Variants in RAB15 observed in about 807,000 individuals in gnomAD.
The protein encoded by RAB15 is ras-related protein Rab-15.
In RAB15, 13 loss-of-function variants were observed where a neutral mutation model predicts 31.8. That is an observed-to-expected ratio of 0.41 (90% CI 0.27 to 0.65). The LOEUF (loss-of-function observed/expected upper bound fraction) is 0.65. Ranked by LOEUF, RAB15 falls within the 30% of genes least tolerant of loss-of-function variation. RAB15 has a pLI of 0.32. For synonymous variants in RAB15, 100 were observed against 105.6 expected (o/e 0.95, Z 0.33); for missense variants, 220 against 277.3 (o/e 0.79, Z 1.47).
intron 1 of RAB15, among the ~76,000 whole-genome samples, chr14:64,957,778 C>T (rs1397507787): frequency 6.6e-6 from 1 of 152,144 alleles, no homozygotes; most frequent in Non-Finnish European, 1.5e-5. Context: ...ATGCTTCACT[C>T]GGCCAGAGGC....
At chr14:64,965,257 A>G (rs1887071759) in intron 1 of RAB15, among the ~76,000 whole-genome samples, 1 of 152,042 alleles carries the variant, frequency 6.6e-6, no homozygotes, top group African/African-American at 2.4e-5. Flanking sequence ...CAGAAGTTCG[A>G]GACCAGCCTG....
At position 64,953,197 on chromosome 14, in the gene RAB15, G is replaced by A. The variant is rs180724473; in HGVS notation, c.125-626C>T. ...ACTGTGGTTGACTAGAAGGAGCATG[G>A]GCTTTGGTGTCAGGCCTGAGCTTAT... On this transcript the variant is annotated intron_variant, in intron 1 of 6. Transcript: ENST00000533601. The surrounding 1 kb of genome is among the most constrained non-coding windows in gnomAD (Gnocchi z 4.6). 6.6e-6 allele frequency among the ~76,000 whole-genome samples: 1 copy of A among 152,322 alleles called. No individual in the cohort carries two copies. Among genetic ancestry groups the A allele is most frequent in the Non-Finnish European group, 1.5e-5 (1 of 68,040 alleles).
At position 64,951,593 on chromosome 14, in the gene RAB15, G is replaced by A; in HGVS notation, c.246+10C>T. On this transcript the variant is annotated intron_variant, in intron 3 of 6. Transcript: ENST00000533601. The surrounding 1 kb of genome is among the most constrained non-coding windows in gnomAD (Gnocchi z 7.2). ...CTTCCCACTTTGAAACCCCCAATGT[G>A]GTGGCTTACCTGGGCCCGCCGATAG... 6.2e-7 allele frequency: 1 copy of A among 1,613,544 alleles called. No homozygotes were observed. The highest frequency in any genetic ancestry group is 1.1e-5 in the South Asian group (1 of 91,076).
At chr14:64,957,664 G>A (rs946052335) in intron 1 of RAB15, among the ~76,000 whole-genome samples, 1 of 152,128 alleles carries the variant, frequency 6.6e-6, no homozygotes, top group African/African-American at 2.4e-5. Context: ...AGGTATTATT[G>A]TGAGCCACAG....
Position 64,954,390 on chromosome 14 carries a change from C to T in RAB15, c.125-1819G>A, listed in dbSNP as rs906522045. ...ATCAAGACATTCTTGTTTCATGATA[C>T]AGCACCTTCTTCCAAGAAGAACGAG... is the stretch of plus-strand genomic sequence containing the variant. On this transcript the variant is annotated intron_variant, in intron 1 of 6. Transcript: ENST00000533601. This position sits in a 1 kb window ranked among gnomAD's most constrained non-coding sequence, Gnocchi z 4.3. The T allele has an allele frequency of 9.1e-6, 9 of 985,298 alleles. No individual in the cohort carries two copies. Among genetic ancestry groups the T allele is most frequent in the African/African-American group, 8.7e-5 (5 of 57,236 alleles). The allele number at this position is 985,298 out of a possible 1,614,324, so 61.0% of individuals were successfully genotyped here.
At position 64,950,547 on chromosome 14, in the gene RAB15, G is replaced by A; in HGVS notation, c.325-133C>T. On this transcript the variant is annotated intron_variant, in intron 4 of 6. Coordinates refer to ENST00000533601, the MANE Select transcript of RAB15 (RefSeq NM_001308154.2). The surrounding 1 kb of genome is among the most constrained non-coding windows in gnomAD (Gnocchi z 5.6). ...GGACAGGGTGGGCCGACTGGATGCA[G>A]GTGCCAGGCTCCCCCAAGTGCCATG... is the stretch of plus-strand genomic sequence containing the variant. 1 of 774,790 alleles carries A rather than the reference G, an allele frequency of 1.3e-6. No individual in the cohort carries two copies. Among genetic ancestry groups the A allele is most frequent in the East Asian group, 2.5e-5 (1 of 40,786 alleles). The allele number at this position is 774,790 out of a possible 1,614,324, so 48.0% of individuals were successfully genotyped here.
In RAB15 at chr14:64,962,172, G is replaced by A. The variant is rs1886900439; in HGVS notation, c.125-9601C>T. Among the ~76,000 whole-genome samples the A allele has an allele frequency of 6.6e-6, 1 of 151,578 alleles. No homozygotes were observed. The highest frequency in any genetic ancestry group is 6.6e-5 in the Admixed American group (1 of 15,216). ...GGAAGTTGCAGTGAGCCAAGATTGT[G>A]CCACTGCACTCCAGCCTGGGGGATA... On this transcript the variant is annotated intron_variant, in intron 1 of 6. Transcript: ENST00000533601. The surrounding 1 kb of genome is among the most constrained non-coding windows in gnomAD (Gnocchi z 4.2).
chr14:64,966,022 G>T (rs1887117762), intron 1 of RAB15, among the ~76,000 whole-genome samples: 1 of 152,136 alleles, frequency 6.6e-6, no homozygotes, highest in African/African-American at 2.4e-5. Context: ...TTGAGGCAAA[G>T]CCACCCCATC....
chr14:64,956,799 G>A (rs1162688904), intron 1 of RAB15, among the ~76,000 whole-genome samples: 1 of 152,204 alleles, frequency 6.6e-6, no homozygotes, highest in Non-Finnish European at 1.5e-5. Context: ...GGTGATATTA[G>A]ATAGAAGTAG....
Position 64,954,983 on chromosome 14 carries a change from G to A in RAB15, c.125-2412C>T, listed in dbSNP as rs115539980. On this transcript the variant is annotated intron_variant, in intron 1 of 6. Coordinates refer to ENST00000533601, the MANE Select transcript of RAB15 (RefSeq NM_001308154.2). The surrounding 1 kb of genome is among the most constrained non-coding windows in gnomAD (Gnocchi z 4.3). ...TGACAAGGAGACAGGGTACTCCACC[G>A]GAAGTGAGGCTGGGCAGTGACTCCT... 5.3e-4 allele frequency among the ~76,000 whole-genome samples: 80 copies of A among 152,164 alleles called. No homozygotes were observed. Among genetic ancestry groups the A allele is most frequent in the African/African-American group, 1.9e-3 (77 of 41,520 alleles).
chr14:64,950,888 G>T lies in RAB15; in HGVS notation c.324+186C>A. On this transcript the variant is annotated intron_variant, in intron 4 of 6. Transcript: ENST00000533601. The surrounding 1 kb of genome is among the most constrained non-coding windows in gnomAD (Gnocchi z 5.6). ...AAGACACAGCCGTGGAGGCCTGGCA[G>T]GGTATAGAGAGTGAGGGCATGGCAG... 8.5e-7 allele frequency: 1 copy of T among 1,179,514 alleles called. No individual in the cohort carries two copies. Among genetic ancestry groups the T allele is most frequent in the Non-Finnish European group, 1.2e-6 (1 of 810,912 alleles). 73.1% of individuals were successfully genotyped at this position (1,179,514 alleles called of 1,614,324 possible). A position where few individuals can be genotyped will look rare whatever the true frequency, so the allele number is the denominator to read the frequency against.
Position 64,961,813 on chromosome 14 carries a change from G to A in RAB15, c.125-9242C>T, listed in dbSNP as rs564799398. ...GGGCCCAGTTACTCAGAAGACTGAG[G>A]TAAGAGGATCACCTGGACCTGAGGC... On this transcript the variant is annotated intron_variant, in intron 1 of 6. Coordinates refer to ENST00000533601, the MANE Select transcript of RAB15 (RefSeq NM_001308154.2). 4.0e-4 allele frequency among the ~76,000 whole-genome samples: 61 copies of A among 152,040 alleles called. 2 individuals are homozygous for A. In the South Asian group the frequency reaches 0.012, roughly 31 times the overall value.
At position 64,972,256 on chromosome 14, in the gene RAB15, C is replaced by G; in HGVS notation, c.-180G>C. ...CACTCGCTCGCTGGGTGCCGGGAAG[C>G]GCGGCTGCGGCGGGAGCCCGGCGCG... On this transcript the variant is annotated 5_prime_UTR_variant, in exon 1 of 7. Transcript: ENST00000533601. The surrounding 1 kb of genome is among the most constrained non-coding windows in gnomAD (Gnocchi z 6.3). 3.9e-6 allele frequency: 1 copy of G among 258,044 alleles called. No homozygotes were observed. Among genetic ancestry groups the G allele is most frequent in the Middle Eastern group, 2.1e-3 (1 of 482 alleles). 16.0% of individuals were successfully genotyped at this position (258,044 alleles called of 1,614,324 possible).
At chr14:64,956,272 C>G (rs535413776) in intron 1 of RAB15, among the ~76,000 whole-genome samples, 16 of 151,926 alleles carry the variant, frequency 1.1e-4, no homozygotes, top group African/African-American at 3.4e-4. Context: ...GTCATGGTGG[C>G]GGGCACCTGT....
chr14:64,954,870 C>G lies in RAB15; in HGVS notation c.125-2299G>C, dbSNP rs1409765160. ...GAGAAGGACTTTGCTAGGAGAGGAACTTCCAATATTAAGGTGAATTTTTCC... is the reference window on the plus strand; with the variant it reads ...GAGAAGGACTTTGCTAGGAGAGGAAGTTCCAATATTAAGGTGAATTTTTCC... On this transcript the variant is annotated intron_variant, in intron 1 of 6. Transcript: ENST00000533601. This position sits in a 1 kb window ranked among gnomAD's most constrained non-coding sequence, Gnocchi z 4.3. Among the ~76,000 whole-genome samples, 1 of 152,146 alleles carries G rather than the reference C, an allele frequency of 6.6e-6. No homozygotes were observed. The highest frequency in any genetic ancestry group is 1.5e-5 in the Non-Finnish European group (1 of 68,034).
rs1462704203 is a variant in RAB15 at position 64,952,386 on chromosome 14, A to T, written c.185+125T>A. The T allele has an allele frequency of 1.4e-6, 1 of 702,908 alleles. No individual in the cohort carries two copies. The highest frequency in any genetic ancestry group is 2.5e-6 in the Non-Finnish European group (1 of 402,348). 43.5% of individuals were successfully genotyped at this position (702,908 alleles called of 1,614,324 possible). On this transcript the variant is annotated intron_variant, in intron 2 of 6. Coordinates refer to ENST00000533601, the MANE Select transcript of RAB15 (RefSeq NM_001308154.2). This position sits in a 1 kb window ranked among gnomAD's most constrained non-coding sequence, Gnocchi z 4.2. ...GATGGGCTTCTGAGACTTCGCTTCC[A>T]TCCATCAGAGAGGTGGCCAGTTATC...
rs1381809785 is a variant in RAB15, at chr14:64,971,859, G to A, written c.124+94C>T. ...TCCGGCGCCACCGCCTCCAGCCGGA[G>A]GGGCTGGCAATTCCTCCCCAGCTGG... On this transcript the variant is annotated intron_variant, in intron 1 of 6. Coordinates refer to ENST00000533601, the MANE Select transcript of RAB15 (RefSeq NM_001308154.2). The surrounding 1 kb of genome is among the most constrained non-coding windows in gnomAD (Gnocchi z 4.1). 1.6e-6 allele frequency: 2 copies of A among 1,240,474 alleles called. No individual in the cohort carries two copies. Among genetic ancestry groups the A allele is most frequent in the Admixed American group, 4.3e-5 (2 of 46,278 alleles). 76.8% of individuals were successfully genotyped at this position (1,240,474 alleles called of 1,614,324 possible).
Position 64,948,977 on chromosome 14 carries a change from A to G in RAB15, c.415-244T>C, listed in dbSNP as rs1299039952. On this transcript the variant is annotated intron_variant, in intron 5 of 6. Transcript: ENST00000533601. This position sits in a 1 kb window ranked among gnomAD's most constrained non-coding sequence, Gnocchi z 7.0. ...ACCCCACGCCTCCCAACACACAATCATATATCAGGAGATAAAGACACCATC... is the reference window on the plus strand; with the variant it reads ...ACCCCACGCCTCCCAACACACAATCGTATATCAGGAGATAAAGACACCATC... Among the ~76,000 whole-genome samples the G allele has an allele frequency of 6.6e-6, 1 of 152,212 alleles. No homozygotes were observed. Among genetic ancestry groups the G allele is most frequent in the Non-Finnish European group, 1.5e-5 (1 of 68,040 alleles).
rs1004107785 is a variant in RAB15 at position 64,970,576 on chromosome 14, T to C, written c.124+1377A>G. Among the ~76,000 whole-genome samples the C allele has an allele frequency of 3.9e-5, 6 of 152,366 alleles. No homozygotes were observed. Among genetic ancestry groups the C allele is most frequent in the Non-Finnish European group, 8.8e-5 (6 of 68,042 alleles). On this transcript the variant is annotated intron_variant, in intron 1 of 6. Coordinates refer to ENST00000533601, the MANE Select transcript of RAB15 (RefSeq NM_001308154.2). The surrounding 1 kb of genome is among the most constrained non-coding windows in gnomAD (Gnocchi z 4.1). ...AAGAGAGGAGACCCTAAAAGCTCAATGATAATGGCAATAGCAGTAAGAACA... is the reference window on the plus strand; with the variant it reads ...AAGAGAGGAGACCCTAAAAGCTCAACGATAATGGCAATAGCAGTAAGAACA...
Sources: allele counts gnomAD v4.1 joint callset (sites outside exome capture counted in the v4.1 genomes callset), GRCh38; gene constraint gnomAD v4.1.1; non-coding constraint Gnocchi (gnomAD v3.1); transcripts MANE v1.5; gene names NCBI Gene and HGNC (gene_info 2026-07-23, HGNC 2026-07-21).